Variants in COL24A1 observed in about 807,000 individuals in gnomAD.
The protein encoded by COL24A1 is collagen type XXIV alpha 1 chain.
Under a neutral mutation model 253.9 loss-of-function variants are expected in COL24A1, and 224 were observed. The observed-to-expected ratio is 0.88, with a 90% CI of 0.79 to 0.99. COL24A1 has a LOEUF of 0.99. COL24A1 is among the 50% of genes least tolerant of loss of function. The pLI, the probability that COL24A1 is intolerant of heterozygous loss-of-function variation, is 0.00. For synonymous variants in COL24A1, 685 were observed against 673.7 expected, an observed-to-expected ratio of 1.02 and a Z score of -0.26; for missense variants, 2,131 against 2,068.5, an observed-to-expected ratio of 1.03 and a Z score of -0.59.
chr1:85,898,749 A>G (rs1016485224), intron 28 of COL24A1, among the ~76,000 whole-genome samples: 1 of 152,204 alleles, frequency 6.6e-6, no homozygotes, highest in African/African-American at 2.4e-5. Context: ...AAACAAGCAA[A>G]TAAGTACGTA....
intron 32 of COL24A1, among the ~76,000 whole-genome samples, chr1:85,888,979 A>G (rs1278356557): frequency 6.6e-6 from 1 of 152,164 alleles, no homozygotes; most frequent in Non-Finnish European, 1.5e-5. Flanking sequence ...TTGGCAAAAA[A>G]GAATAAATTG....
chr1:85,950,922 A>C lies in COL24A1; in HGVS notation c.2562+10327T>G, dbSNP rs548588088. Reference sequence around the variant, plus strand: ...GGTGAGCTGTGACTCATTGTGCCTTACCTACCTCCAGCTATCATGAACTGC... The same window carrying C: ...GGTGAGCTGTGACTCATTGTGCCTTCCCTACCTCCAGCTATCATGAACTGC... On this transcript the variant is annotated intron_variant, in intron 24 of 59. Coordinates refer to ENST00000370571, the MANE Select transcript of COL24A1 (RefSeq NM_152890.7). 5.3e-5 allele frequency among the ~76,000 whole-genome samples: 8 copies of C among 152,258 alleles called. No individual in the cohort carries two copies. In the South Asian group the frequency reaches 1.7e-3, roughly 32 times the overall value.
chr1:85,906,512 C>T (rs1014089193), intron 28 of COL24A1, among the ~76,000 whole-genome samples: 4 of 151,308 alleles, frequency 2.6e-5, no homozygotes, highest in East Asian at 1.9e-4. Flanking sequence ...CTATAGAGGC[C>T]GTATACTTAA....
intron 3 of COL24A1, among the ~76,000 whole-genome samples, chr1:86,118,246 G>A (rs1237341927): frequency 6.6e-6 from 1 of 152,014 alleles, no homozygotes; most frequent in Non-Finnish European, 1.5e-5. Context: ...TGTATTTTTA[G>A]TAGAGACGGG....
chr1:85,737,541 T>A, intron 57 of COL24A1, 36 bp from the exon 58 acceptor site: 1 of 1,366,474 alleles, frequency 7.3e-7, no homozygotes, highest in South Asian at 1.3e-5. Context: ...GTTAAAGTTA[T>A]TAAATGCCAT....
At chr1:85,922,707 A>G (rs1686666083) in intron 24 of COL24A1, among the ~76,000 whole-genome samples, 1 of 152,218 alleles carries the variant, frequency 6.6e-6, no homozygotes, top group South Asian at 2.1e-4. Flanking sequence ...AGCTGCTGCA[A>G]AAAACATGCC....
intron 20 of COL24A1, among the ~76,000 whole-genome samples, chr1:85,983,858 T>G (rs1305515129): frequency 6.6e-6 from 1 of 151,872 alleles, no homozygotes; most frequent in Non-Finnish European, 1.5e-5. Context: ...AAATTATTAT[T>G]TTCTTGTTCT....
At position 85,803,402 on chromosome 1, in the gene COL24A1, C is replaced by G. The variant is rs184394030; in HGVS notation, c.3951+13386G>C. On this transcript the variant is annotated intron_variant, in intron 47 of 59. Coordinates refer to ENST00000370571, the MANE Select transcript of COL24A1 (RefSeq NM_152890.7). Reference sequence around the variant, plus strand: ...CTGAGATCATGACACTGCACTCCAGCCTAGGTGACAGAGCAAGACTCCATC... The same window carrying G: ...CTGAGATCATGACACTGCACTCCAGGCTAGGTGACAGAGCAAGACTCCATC... Among the ~76,000 whole-genome samples the G allele has an allele frequency of 5.4e-5, 8 of 147,130 alleles. No individual in the cohort carries two copies. In the East Asian group the frequency reaches 1.4e-3, roughly 26 times the overall value.
chr1:86,060,760 G>A (rs1013944335), intron 8 of COL24A1, among the ~76,000 whole-genome samples: 11 of 152,140 alleles, frequency 7.2e-5, no homozygotes, highest in Middle Eastern at 3.4e-3. Context: ...GACAACTGAA[G>A]AGAATGTGAA....
At chr1:85,855,090 C>G (rs1013078607) in intron 37 of COL24A1, among the ~76,000 whole-genome samples, 1 of 152,030 alleles carries the variant, frequency 6.6e-6, no homozygotes, top group Non-Finnish European at 1.5e-5. Context: ...ATTTTGTATT[C>G]TGAAACTTTG....
chr1:86,013,571 C>T lies in COL24A1; in HGVS notation c.2310+3580G>A, dbSNP rs191771034. Among the ~76,000 whole-genome samples, 633 of 152,322 alleles carry T rather than the reference C, an allele frequency of 4.2e-3. 3 individuals carry two copies. Among genetic ancestry groups the T allele is most frequent in the Middle Eastern group, 0.014 (4 of 294 alleles). ...AAAAACTGGGCCAGACATGGTGGCTCATGCCTATAATCCCAGCATTTTGGG... is the reference window on the plus strand; with the variant it reads ...AAAAACTGGGCCAGACATGGTGGCTTATGCCTATAATCCCAGCATTTTGGG... On this transcript the variant is annotated intron_variant, in intron 19 of 59. Transcript: ENST00000370571.
intron 5 of COL24A1, among the ~76,000 whole-genome samples, chr1:86,095,734 T>C (rs1166263708): frequency 6.6e-6 from 1 of 152,082 alleles, no homozygotes; most frequent in Non-Finnish European, 1.5e-5. Context: ...AGTACCGACT[T>C]CCACTTACTT....
At chr1:85,864,342 T>A (rs973064185) in intron 37 of COL24A1, among the ~76,000 whole-genome samples, 16 of 144,638 alleles carry the variant, frequency 1.1e-4, no homozygotes, top group Non-Finnish European at 2.1e-4. Flanking sequence ...TAGGTGGGAA[T>A]TGCACAATGA....
At chr1:85,799,425 T>C (rs1210910000) in intron 47 of COL24A1, among the ~76,000 whole-genome samples, 1 of 150,528 alleles carries the variant, frequency 6.6e-6, no homozygotes, top group African/African-American at 2.4e-5. Context: ...AAGATGTCCT[T>C]ATCCTCGGTT....
At chr1:86,115,201 T>TAGG (rs1706018202) in intron 4 of COL24A1, 124 bp downstream of exon 4, 1 of 862,832 alleles carries the variant, frequency 1.2e-6, no homozygotes, top group East Asian at 2.8e-5. Context: ...TTGGCTAAGG[T>TAGG]AGGACTAAGT....
chr1:85,766,636 A>G (rs917921226), intron 53 of COL24A1, among the ~76,000 whole-genome samples: 3 of 152,126 alleles, frequency 2.0e-5, no homozygotes, highest in African/African-American at 7.2e-5. Context: ...AAATTATAAT[A>G]AAGGAGTTAC....
intron 14 of COL24A1, among the ~76,000 whole-genome samples, chr1:86,028,757 T>G (rs1477595812): frequency 2.0e-5 from 3 of 152,226 alleles, no homozygotes; most frequent in Non-Finnish European, 4.4e-5. Context: ...GATCCACTTA[T>G]TTTTACTGAG....
At chr1:86,013,821 G>A (rs12076590) in intron 19 of COL24A1, among the ~76,000 whole-genome samples, 8,690 of 152,206 alleles carry the variant, frequency 0.057, 551 homozygotes, top group African/African-American at 0.16. Flanking sequence ...GGGCGAGAGA[G>A]TGAAACTGTG....
At chr1:86,063,514 A>T (rs950387133) in intron 8 of COL24A1, among the ~76,000 whole-genome samples, 8 of 152,124 alleles carry the variant, frequency 5.3e-5, no homozygotes, top group African/African-American at 1.9e-4. Context: ...GTAAAAAATG[A>T]TTAACAGTGA....
Sources: gnomAD v4.1 joint callset for allele counts (sites outside exome capture counted in the v4.1 genomes callset) on GRCh38, gnomAD v4.1.1 for gene constraint, MANE v1.5 for transcripts, NCBI Gene and HGNC (gene_info 2026-07-23, HGNC 2026-07-21) for gene names.